Variants in THRAP3 observed in about 807,000 individuals in gnomAD.
The protein encoded by THRAP3 is thyroid hormone receptor-associated protein 3.
A neutral mutation model predicts 101.0 loss-of-function variants in THRAP3; 16 were observed. The ratio of observed to expected loss-of-function variants is 0.16; its 90% CI spans 0.11 to 0.24. The LOEUF (loss-of-function observed/expected upper bound fraction) is 0.24, where lower values mean the gene tolerates loss of function less well. Among genes scored for constraint, THRAP3 ranks in the 10% least tolerant of loss-of-function variants. THRAP3 has a pLI of 1.00. For missense variants in THRAP3, 989 were observed against 1,202.7 expected, an observed-to-expected ratio of 0.82 and a Z score of 2.63; for synonymous variants, 407 against 422.6, an observed-to-expected ratio of 0.96 and a Z score of 0.45.
Position 36,304,145 on chromosome 1 carries a change from A to T in THRAP3, c.*128A>T, listed in dbSNP as rs546257305. 1 of 1,370,306 alleles carries T rather than the reference A, an allele frequency of 7.3e-7. No homozygotes were observed. Among genetic ancestry groups the T allele is most frequent in the East Asian group, 2.6e-5 (1 of 38,166 alleles). The allele number at this position is 1,370,306 out of a possible 1,614,324, so 84.9% of individuals were successfully genotyped here. A position where few individuals can be genotyped will look rare whatever the true frequency, so the allele number is the denominator to read the frequency against. ...CCCCCACCCCCCACCAGCCGCACAG[A>T]TTGTACTACCGCGAGAGGCATCCCT... On this transcript the variant is annotated 3_prime_UTR_variant, in exon 12 of 12. Coordinates refer to ENST00000354618, the MANE Select transcript of THRAP3 (RefSeq NM_005119.4).
chr1:36,295,178 C>T (rs1645928954), intron 8 of THRAP3, among the ~76,000 whole-genome samples: 1 of 151,032 alleles, frequency 6.6e-6, no homozygotes, highest in African/African-American at 2.4e-5. Flanking sequence ...AGCCAAGATC[C>T]CGCCATTGTA....
intron 2 of THRAP3, among the ~76,000 whole-genome samples, chr1:36,278,024 A>G (rs1164079985): frequency 6.6e-6 from 1 of 150,488 alleles, no homozygotes; most frequent in Non-Finnish European, 1.5e-5. Flanking sequence ...TGGCCTCTCA[A>G]AGTGCTGAGT....
At chr1:36,268,597 G>A (rs1291266565) in intron 2 of THRAP3, among the ~76,000 whole-genome samples, 1 of 152,164 alleles carries the variant, frequency 6.6e-6, no homozygotes, top group Admixed American at 6.6e-5. Context: ...TGAACTTCTG[G>A]GCTCAAGCGA....
intron 1 of THRAP3, among the ~76,000 whole-genome samples, chr1:36,252,350 C>T (rs916040478): frequency 4.6e-5 from 7 of 152,152 alleles, no homozygotes; most frequent in African/African-American, 1.7e-4. Flanking sequence ...GCCTGGAACT[C>T]CTGACCTCAA....
At chr1:36,302,330 A>G (rs1334141430) in intron 11 of THRAP3, among the ~76,000 whole-genome samples, 1 of 152,250 alleles carries the variant, frequency 6.6e-6, no homozygotes, top group Non-Finnish European at 1.5e-5. Context: ...TCACTTGCCA[A>G]AATGGCTGGA....
intron 1 of THRAP3, among the ~76,000 whole-genome samples, chr1:36,231,873 G>A (rs1645031936): frequency 6.6e-6 from 1 of 152,110 alleles, no homozygotes; most frequent in Non-Finnish European, 1.5e-5. Context: ...TAATATGAAA[G>A]TGATTGAGGA....
the THRAP3 span, among the ~76,000 whole-genome samples, chr1:36,218,792 C>T: frequency 1.3e-5 from 2 of 151,394 alleles, no homozygotes; most frequent in East Asian, 1.9e-4. Flanking sequence ...CCCAGCATTT[C>T]GGGAGGCAGG....
At chr1:36,246,755 T>C (rs1015424155) in intron 1 of THRAP3, among the ~76,000 whole-genome samples, 1 of 151,614 alleles carries the variant, frequency 6.6e-6, no homozygotes, top group Non-Finnish European at 1.5e-5. Flanking sequence ...GGCAGGAGAA[T>C]GGCGTGAACC....
At position 36,253,760 on chromosome 1, in the gene THRAP3, A is replaced by ATTT. The variant is rs58306701; in HGVS notation, c.-134-5605_-134-5603dup. 2.6e-4 allele frequency among the ~76,000 whole-genome samples: 26 copies of ATTT among 100,218 alleles called. 1 individual carries two copies. Among genetic ancestry groups the ATTT allele is most frequent in the South Asian group, 3.2e-4 (1 of 3,122 alleles). The allele number at this position is 100,218 out of a possible 152,430, so 65.7% of individuals were successfully genotyped here. A position where few individuals can be genotyped will look rare whatever the true frequency, so the allele number is the denominator to read the frequency against. On this transcript the variant is annotated intron_variant, in intron 1 of 11. Transcript: ENST00000354618. ...AGGCGTACACCATTGAGTCAGGCTAATTTTTTTTTTTTTTTTTTTAGTTTT... is the reference window on the plus strand; with the variant it reads ...AGGCGTACACCATTGAGTCAGGCTAATTTTTTTTTTTTTTTTTTTTTTAGTTTT...
At chr1:36,297,181 G>A (rs930415243) in intron 9 of THRAP3, among the ~76,000 whole-genome samples, 3 of 152,206 alleles carry the variant, frequency 2.0e-5, no homozygotes, top group Non-Finnish European at 2.9e-5. Context: ...GAACTAGATA[G>A]TACATGATTG....
chr1:36,246,576 C>T (rs374932539), intron 1 of THRAP3, among the ~76,000 whole-genome samples: 15 of 152,184 alleles, frequency 9.9e-5, no homozygotes, highest in African/African-American at 3.1e-4. Flanking sequence ...AGTGCGGTGG[C>T]TCACACCTGT....
chr1:36,226,979 G>A (rs1360127110), intron 1 of THRAP3, among the ~76,000 whole-genome samples: 1 of 152,186 alleles, frequency 6.6e-6, no homozygotes, highest in Non-Finnish European at 1.5e-5. Flanking sequence ...ACACTGAAAA[G>A]GGGGAGACCT....
chr1:36,283,858 G>A (rs1645764091), intron 3 of THRAP3, among the ~76,000 whole-genome samples: 1 of 152,120 alleles, frequency 6.6e-6, no homozygotes, highest in South Asian at 2.1e-4. Flanking sequence ...CAAAAACAAG[G>A]TAGATATTAA....
chr1:36,296,710 A>T lies in THRAP3; in HGVS notation c.2243A>T (p.His748Leu). The T allele has an allele frequency of 6.2e-7, 1 of 1,609,838 alleles. No homozygotes were observed. Among genetic ancestry groups the T allele is most frequent in the Non-Finnish European group, 8.5e-7 (1 of 1,179,056 alleles). The change falls in exon 9 of 12, where the codon CAC becomes CTC. Residue 748 changes from histidine (H) to leucine (L), a missense_variant. Physicochemically the swap from His to Leu is moderately conservative, Grantham distance 99. Transcript: ENST00000354618. ...TCAGTGGATTCCCGAGACTCCAGTC[A>T]CTCAAGGGAAAGGTCAGCTGAAAAA... ...RESVDSRDSSHSRERSAEKTE... is the reference protein window; with the variant it reads ...RESVDSRDSSLSRERSAEKTE...
At chr1:36,279,586 A>G (rs996793720) in intron 2 of THRAP3, among the ~76,000 whole-genome samples, 1 of 152,206 alleles carries the variant, frequency 6.6e-6, no homozygotes, top group Non-Finnish European at 1.5e-5. Flanking sequence ...ACCTTGCTAG[A>G]GCTTGCAACA....
intron 2 of THRAP3, among the ~76,000 whole-genome samples, chr1:36,278,431 A>C (rs945451440): frequency 2.0e-5 from 3 of 152,122 alleles, no homozygotes; most frequent in Non-Finnish European, 4.4e-5. Context: ...TTTAAGTAAA[A>C]CGCATCTGTT....
upstream of THRAP3, among the ~76,000 whole-genome samples, chr1:36,222,529 C>T (rs1170013127): frequency 6.6e-6 from 1 of 151,946 alleles, no homozygotes; most frequent in African/African-American, 2.4e-5. Context: ...GTCTCAGCCT[C>T]CTGAGTAGCT....
rs1461409751 is a variant in THRAP3, at chr1:36,255,053, G to C, written c.-134-4329G>C. 7.9e-5 allele frequency among the ~76,000 whole-genome samples: 12 copies of C among 151,978 alleles called. No individual in the cohort carries two copies. In the East Asian group the frequency reaches 2.3e-3, roughly 29 times the overall value. ...CAGTTTTCTGTGGTAAAAACTAAAG[G>C]TTTATTTGCTAAGCTGTCATCTTAT... On this transcript the variant is annotated intron_variant, in intron 1 of 11. Coordinates refer to ENST00000354618, the MANE Select transcript of THRAP3 (RefSeq NM_005119.4).
intron 1 of THRAP3, among the ~76,000 whole-genome samples, chr1:36,233,373 G>A (rs1645050493): frequency 6.6e-6 from 1 of 151,920 alleles, no homozygotes; most frequent in African/African-American, 2.4e-5. Flanking sequence ...AGGCATGCTG[G>A]TGGGCGCCTG....
Sources: gnomAD v4.1 joint callset for allele counts (sites outside exome capture counted in the v4.1 genomes callset) on GRCh38, gnomAD v4.1.1 for gene constraint, MANE v1.5 for transcripts, NCBI Gene and HGNC (gene_info 2026-07-23, HGNC 2026-07-21) for gene names.